FAM98A: variants seen among roughly 807,000 people sequenced by gnomAD.
The protein encoded by FAM98A is tRNA splicing ligase complex subunit 3A.
Under a neutral mutation model 62.9 loss-of-function variants are expected in FAM98A, and 25 were observed. That is an observed-to-expected ratio of 0.40 (90% CI 0.29 to 0.56). The LOEUF (loss-of-function observed/expected upper bound fraction) is 0.56, where lower values mean the gene tolerates loss of function less well. Among genes scored for constraint, FAM98A ranks in the 20% least tolerant of loss-of-function variants. The probability of loss-of-function intolerance (pLI) is 0.51; values close to 1 mark genes in which losing one functional copy is unlikely to be tolerated. For missense variants in FAM98A, 653 were observed against 640.7 expected (o/e 1.02, Z -0.21); for synonymous variants, 252 against 228.6 (o/e 1.10, Z -0.92).
At chr2:33,597,359 T>C (rs1255324074) in intron 1 of FAM98A, among the ~76,000 whole-genome samples, 1 of 152,196 alleles carries the variant, frequency 6.6e-6, no homozygotes, top group Non-Finnish European at 1.5e-5. Context: ...AAGGTAGTCA[T>C]TTAATTCTAA....
At chr2:33,585,718 A>G (rs1558547110) in intron 6 of FAM98A, 21 bp from the exon 7 acceptor site, 3 of 1,594,722 alleles carry the variant, frequency 1.9e-6, no homozygotes, top group Non-Finnish European at 2.6e-6. Context: ...AAAAGTGTTC[A>G]AAGAGAAATG....
intron 1 of FAM98A, among the ~76,000 whole-genome samples, chr2:33,596,720 T>C (rs1425209251): frequency 6.6e-6 from 1 of 151,642 alleles, no homozygotes; most frequent in Non-Finnish European, 1.5e-5. Flanking sequence ...TGAAACCCCA[T>C]CTCTAATAAA....
In FAM98A at chr2:33,585,254, C is replaced by T; in HGVS notation, c.1079G>A (p.Arg360Lys). ...GRGGHEQGGG[R>K]GGRGGYDHGG... is the part of the protein sequence containing the mutation. Reference sequence around the variant, plus strand: ...ATGGTCATAGCCACCACGTCCACCTCTCCCGCCTCCTTGTTCATGACCTCC... The same window carrying T: ...ATGGTCATAGCCACCACGTCCACCTTTCCCGCCTCCTTGTTCATGACCTCC... Residue 360 changes from arginine to lysine, a missense_variant, in exon 8 of 8, where the codon AGA (arginine) becomes AAA (lysine). Physicochemically the swap from Arg to Lys is conservative, Grantham distance 26 (BLOSUM62 2). Transcript: ENST00000238823. 1 of 1,614,156 alleles carries T rather than the reference C, an allele frequency of 6.2e-7. No individual in the cohort carries two copies.
At chr2:33,586,831 G>T in intron 5 of FAM98A, 153 bp from the exon 6 acceptor site, 1 of 590,118 alleles carries the variant, frequency 1.7e-6, no homozygotes, top group Non-Finnish European at 3.0e-6. Flanking sequence ...AACAATTAAT[G>T]AAATGATAGG....
chr2:33,587,098 C>A, intron 5 of FAM98A, 142 bp downstream of exon 5: 1 of 562,630 alleles, frequency 1.8e-6, no homozygotes. Context: ...TCCTGAGATT[C>A]ACAAAATGAT....
At chr2:33,596,891 C>G (rs1453416540) in intron 1 of FAM98A, among the ~76,000 whole-genome samples, 2 of 103,458 alleles carry the variant, frequency 1.9e-5, no homozygotes, top group African/African-American at 7.8e-5. Flanking sequence ...GACTCCGTAT[C>G]AAAAAAAAAA....
intron 3 of FAM98A, 26 bp from the exon 4 acceptor site, chr2:33,588,545 A>T: frequency 1.3e-6 from 2 of 1,592,800 alleles, no homozygotes; most frequent in Non-Finnish European, 1.7e-6. Flanking sequence ...TAAGATTTCA[A>T]AATGAGATAC....
Position 33,585,732 on chromosome 2 carries a change from A to G in FAM98A, c.721-35T>C, listed in dbSNP as rs199887784. The stretch of plus-strand genomic sequence containing the variant: ...GAAAAGTGTTCAAAGAGAAATGTCA[A>G]TTTTCAAAATGACATAAGAAACACA... On this transcript the variant is annotated intron_variant, in intron 6 of 7. Transcript: ENST00000238823. 3,366 of 1,571,434 alleles carry G rather than the reference A, an allele frequency of 2.1e-3. 11 individuals are homozygous for G. The highest frequency in any genetic ancestry group is 2.5e-3 in the Non-Finnish European group (2,841 of 1,154,842).
intron 1 of FAM98A, among the ~76,000 whole-genome samples, chr2:33,598,199 G>T (rs540614894): frequency 1.1e-4 from 16 of 152,290 alleles, no homozygotes; most frequent in African/African-American, 3.4e-4. Context: ...CTAAAGAAAG[G>T]TTTCTCTCAA....
intron 6 of FAM98A, among the ~76,000 whole-genome samples, chr2:33,586,050 A>G (rs1381904390): frequency 6.6e-6 from 1 of 152,196 alleles, no homozygotes; most frequent in African/African-American, 2.4e-5. Flanking sequence ...ATATAAAGCT[A>G]TTTCAACAAT....
chr2:33,591,482 G>A lies in FAM98A; in HGVS notation c.337+598C>T, dbSNP rs560250933. ...GAAGAGACAAAACAGTAGTAAGTAT[G>A]TAAAAAACATGGAAGGAAAGAACTT... On this transcript the variant is annotated intron_variant, in intron 3 of 7. Transcript: ENST00000238823. Among the ~76,000 whole-genome samples the A allele has an allele frequency of 3.3e-5, 5 of 152,172 alleles. No homozygotes were observed. In the East Asian group the frequency reaches 7.7e-4, roughly 23 times the overall value.
intron 3 of FAM98A, 82 bp downstream of exon 3, chr2:33,591,998 A>G: frequency 8.2e-7 from 1 of 1,214,156 alleles, no homozygotes; most frequent in East Asian, 2.4e-5. Context: ...GAAATAAACA[A>G]ACAAAAAACC....
intron 3 of FAM98A, 21 bp downstream of exon 3, chr2:33,592,059 T>G: frequency 6.2e-7 from 1 of 1,605,054 alleles, no homozygotes; most frequent in African/African-American, 1.3e-5. Flanking sequence ...AATAGCTATA[T>G]TCTAGTAGCC....
rs185966404 is a variant in FAM98A at position 33,597,211 on chromosome 2, T to G, written c.54-1574A>C. Among the ~76,000 whole-genome samples, 584 of 152,274 alleles carry G rather than the reference T, an allele frequency of 3.8e-3. 7 individuals carry two copies. Among genetic ancestry groups the G allele is most frequent in the Non-Finnish European group, 4.5e-3 (306 of 68,024 alleles). ...CAGGTAAGAGATAAAAGATGACTAT[T>G]TGCCAGGATCAGTGGCATACACCTG... On this transcript the variant is annotated intron_variant, in intron 1 of 7. Transcript: ENST00000238823.
At position 33,586,571 on chromosome 2, in the gene FAM98A, G is replaced by C. The variant is rs1458311350; in HGVS notation, c.711C>G (p.Asp237Glu). Residue 237 changes from aspartate to glutamate, a missense_variant, in exon 6 of 8, where the codon GAC (aspartate) becomes GAG (glutamate). Transcript: ENST00000238823. ...ATTATTTAATGTGTACCTTAGCTCTGTCAGACCAGCCAAAGGATTGTACAG... is the reference window on the plus strand; with the variant it reads ...ATTATTTAATGTGTACCTTAGCTCTCTCAGACCAGCCAAAGGATTGTACAG... ...DVTVQSFGWS[D>E]RAKSQTEKLA... The C allele has an allele frequency of 6.2e-7, 1 of 1,600,756 alleles. No homozygotes were observed.
In FAM98A at chr2:33,592,156, G is replaced by A. The variant is rs907295904; in HGVS notation, c.261C>T (p.Asn87=). 1 of 1,613,308 alleles carries A rather than the reference G, an allele frequency of 6.2e-7. No homozygotes were observed. The highest frequency in any genetic ancestry group is 1.3e-5 in the African/African-American group (1 of 74,998). The change falls in exon 3 of 8, where the codon AAC becomes AAT. Residue 87 remains asparagine (N), a synonymous_variant. Coordinates refer to ENST00000238823, the MANE Select transcript of FAM98A (RefSeq NM_015475.5). ...LEVSGLLGEM[N]CPYLSLTSGD... Reference sequence around the variant, plus strand: ...CAGATGTCAGTGAAAGATACGGGCAGTTCATCTCCCCTAGTAGCCCACTCA... The same window carrying A: ...CAGATGTCAGTGAAAGATACGGGCAATTCATCTCCCCTAGTAGCCCACTCA...
intron 3 of FAM98A, among the ~76,000 whole-genome samples, chr2:33,590,022 C>T (rs1677637228): frequency 6.6e-6 from 1 of 152,114 alleles, no homozygotes. Flanking sequence ...ATATAATTAT[C>T]ATGAAAAAAC....
rs1237860642 is a variant in FAM98A, at chr2:33,594,588, C to CAT, written c.202+900_202+901insAT. Among the ~76,000 whole-genome samples the CAT allele has an allele frequency of 1.9e-4, 26 of 136,884 alleles. 5 individuals carry two copies. Among genetic ancestry groups the CAT allele is most frequent in the African/African-American group, 6.5e-4 (23 of 35,214 alleles). The allele number at this position is 136,884 out of a possible 152,430, so 89.8% of individuals were successfully genotyped here. A position where few individuals can be genotyped will look rare whatever the true frequency, so the allele number is the denominator to read the frequency against. On this transcript the variant is annotated intron_variant, in intron 2 of 7. Coordinates refer to ENST00000238823, the MANE Select transcript of FAM98A (RefSeq NM_015475.5). ...ATATATATATATATACACACACACA[C>CAT]ACACACACACACATACATACACACA...
intron 2 of FAM98A, among the ~76,000 whole-genome samples, chr2:33,593,990 C>G (rs1425968275): frequency 6.6e-6 from 1 of 152,184 alleles, no homozygotes; most frequent in Non-Finnish European, 1.5e-5. Context: ...CACACTGGCT[C>G]AGAACTTGAC....
Sources: gnomAD v4.1 joint callset for allele counts (sites outside exome capture counted in the v4.1 genomes callset) on GRCh38, gnomAD v4.1.1 for gene constraint, MANE v1.5 for transcripts, NCBI Gene and HGNC (gene_info 2026-07-23, HGNC 2026-07-21) for gene names.